GBP3: variants seen among roughly 807,000 people sequenced by gnomAD.
GBP3 encodes the protein guanylate-binding protein 3.
A neutral mutation model predicts 62.4 loss-of-function variants in GBP3; 55 were observed. That is an observed-to-expected ratio of 0.88 (90% CI 0.71 to 1.10). The LOEUF (loss-of-function observed/expected upper bound fraction) is 1.10. Among genes scored for constraint, GBP3 ranks in the 50% least tolerant of loss-of-function variants. The pLI, the probability that GBP3 is intolerant of heterozygous loss-of-function variation, is 0.00. For synonymous variants in GBP3, 208 were observed against 259.2 expected (o/e 0.80, Z 1.90); for missense variants, 605 against 690.6 (o/e 0.88, Z 1.39).
chr1:89,009,228 G>A, intron 9 of GBP3, 88 bp from the exon 10 acceptor site: 2 of 1,413,448 alleles, frequency 1.4e-6, no homozygotes, highest in Non-Finnish European at 2.0e-6. Context: ...GCTGCTGACT[G>A]CATATGCCCT....
chr1:89,018,300 C>G (rs912791071), intron 2 of GBP3, among the ~76,000 whole-genome samples: 3 of 152,078 alleles, frequency 2.0e-5, no homozygotes, highest in Non-Finnish European at 4.4e-5. Flanking sequence ...TTCACATCAC[C>G]AAGATTCCTA....
In GBP3 at chr1:89,009,468, C is replaced by T. The variant is rs772098041; in HGVS notation, c.1389G>A (p.Leu463=). The T allele has an allele frequency of 3.1e-6, 5 of 1,614,056 alleles. No individual in the cohort carries two copies. The highest frequency in any genetic ancestry group is 4.2e-6 in the Non-Finnish European group (5 of 1,180,028). Residue 463 remains leucine, a synonymous_variant, in exon 9 of 11, where the codon TTG becomes TTA. Coordinates refer to ENST00000370481, the MANE Select transcript of GBP3 (RefSeq NM_018284.3). ...IQAEEILQTY[L]KSKESVTDAI... is the part of the protein sequence containing the mutation. ...CATCGGTCACAGACTCCTTGGATTT[C>T]AAGTATGTCTGCAGAATCTCTTCAG...
rs1265090259 is a variant in GBP3, at chr1:89,014,272, T to C, written c.436A>G (p.Thr146Ala). 6.2e-7 allele frequency: 1 copy of C among 1,614,182 alleles called. No individual in the cohort carries two copies. Among genetic ancestry groups the C allele is most frequent in the Admixed American group, 1.7e-5 (1 of 60,030 alleles). Residue 146 changes from threonine to alanine, a missense_variant, in exon 5 of 11, where the codon ACA (threonine) becomes GCA (alanine). Thr to Ala is a moderately conservative substitution (Grantham distance 58). Coordinates refer to ENST00000370481, the MANE Select transcript of GBP3 (RefSeq NM_018284.3). ...GATCGGATTCGATGTGTCAGCTCTG[T>C]CACATAGCTGAGTAGCTAACTAAGG... The part of the protein sequence containing the change: ...QQAMDQLYYV[T>A]ELTHRIRSKS...
At chr1:89,015,218 A>G in intron 3 of GBP3, 69 bp downstream of exon 3, 6 of 1,448,106 alleles carry the variant, frequency 4.1e-6, no homozygotes, top group Non-Finnish European at 5.6e-6. Flanking sequence ...TCTTTAAGAA[A>G]AAACTAAATG....
At position 89,014,074 on chromosome 1, in the gene GBP3, C is replaced by T. The variant is rs763700614; in HGVS notation, c.625+9G>A. On this transcript the variant is annotated intron_variant, in intron 5 of 10. Coordinates refer to ENST00000370481, the MANE Select transcript of GBP3 (RefSeq NM_018284.3). Reference sequence around the variant, plus strand: ...TCGTCCTCATTTATCAATGGTACGTCTCTGTTACCTTGCGTTAGCTTCAGG... The same window carrying T: ...TCGTCCTCATTTATCAATGGTACGTTTCTGTTACCTTGCGTTAGCTTCAGG... 49 of 1,613,118 alleles carry T rather than the reference C, an allele frequency of 3.0e-5. No individual in the cohort carries two copies. The highest frequency in any genetic ancestry group is 4.1e-5 in the Non-Finnish European group (48 of 1,179,178).
rs1678238027 is a variant in GBP3 at position 89,006,707 on chromosome 1, G to C, written c.*1017C>G. On this transcript the variant is annotated 3_prime_UTR_variant, in exon 11 of 11. Transcript: ENST00000370481. ...TTATTTCTAGTTTAGTTTATTTCTA[G>C]TTCAAAAATAATCTGTAATTGCTGT... 1 of 151,728 alleles carries C rather than the reference G, an allele frequency of 6.6e-6. No individual in the cohort carries two copies. Among genetic ancestry groups the C allele is most frequent in the Admixed American group, 6.6e-5 (1 of 15,232 alleles). 9.4% of individuals were successfully genotyped at this position (151,728 alleles called of 1,614,324 possible). A position where few individuals can be genotyped will look rare whatever the true frequency, so the allele number is the denominator to read the frequency against.
rs1206479160 is a variant in GBP3, at chr1:89,019,541, G to T, written c.190+991C>A. On this transcript the variant is annotated intron_variant, in intron 2 of 10. Transcript: ENST00000370481. ...GACCTCAGGTGATCTGCCTGCATTG[G>T]CCTCCCAAAGTGCTGGGATTACAGC... 2.6e-5 allele frequency among the ~76,000 whole-genome samples: 4 copies of T among 152,218 alleles called. No individual in the cohort carries two copies. In the East Asian group the frequency reaches 7.7e-4, roughly 29 times the overall value.
chr1:89,008,433 T>G lies in GBP3; in HGVS notation c.1659+514A>C, dbSNP rs567677619. Among the ~76,000 whole-genome samples the G allele has an allele frequency of 8.7e-5, 13 of 149,170 alleles. No individual in the cohort carries two copies. The South Asian group carries it at 2.6e-3, about 30-fold the overall frequency. On this transcript the variant is annotated intron_variant, in intron 10 of 10. Coordinates refer to ENST00000370481, the MANE Select transcript of GBP3 (RefSeq NM_018284.3). ...CAGAAAACAGGCAGGAGTGGTAGAC[T>G]GCCCTACAGGTGTGAGGGTTAGGGA...
rs1678441799 is a variant in GBP3, at chr1:89,009,553, G to A, written c.1363-59C>T. 11 of 1,599,938 alleles carry A rather than the reference G, an allele frequency of 6.9e-6. No homozygotes were observed. The South Asian group carries it at 1.1e-4, about 16-fold the overall frequency. On this transcript the variant is annotated intron_variant, in intron 8 of 10. Coordinates refer to ENST00000370481, the MANE Select transcript of GBP3 (RefSeq NM_018284.3). The stretch of plus-strand genomic sequence containing the variant: ...GAAATGGCTGTAAGCAGGTTTTCCT[G>A]TTCTTCTGCCCACCATCTTTTCTTC...
At chr1:89,013,450 T>C (rs1418166849) in intron 5 of GBP3, 23 bp from the exon 6 acceptor site, 1 of 1,593,892 alleles carries the variant, frequency 6.3e-7, no homozygotes, top group Non-Finnish European at 8.5e-7. Flanking sequence ...AATAAAGAAA[T>C]TTGCCTAATA....
intron 1 of GBP3, among the ~76,000 whole-genome samples, chr1:89,022,318 G>GA (rs1489436125): frequency 6.6e-6 from 1 of 152,166 alleles, no homozygotes; most frequent in African/African-American, 2.4e-5. Context: ...ATAGGAGCAG[G>GA]ATTCAGCAAG....
At chr1:89,009,607 G>T in intron 8 of GBP3, 113 bp from the exon 9 acceptor site, 1 of 1,469,592 alleles carries the variant, frequency 6.8e-7, no homozygotes, top group African/African-American at 1.4e-5. Context: ...GCCCTGGTGT[G>T]CCTGGTGGTC....
At chr1:89,017,442 A>G (rs954835602) in intron 2 of GBP3, among the ~76,000 whole-genome samples, 11 of 152,232 alleles carry the variant, frequency 7.2e-5, no homozygotes, top group African/African-American at 2.7e-4. Flanking sequence ...GGGGAAAAAC[A>G]GACAGTAAAA....
rs148562368 is a variant in GBP3 at position 89,020,580 on chromosome 1, G to T, written c.142C>A (p.Arg48Ser). Residue 48 changes from arginine to serine, a missense_variant, in exon 2 of 11, where the codon CGC (arginine) becomes AGC (serine). By Grantham distance (110) the Arg-to-Ser change is moderately radical. This residue lies in a region of GBP3 where 308 missense variants were observed against 318.0 expected (regional missense o/e 0.97). Transcript: ENST00000370481. Reference protein sequence around the residue: ...VVVVAIVGLYRTGKSYLMNKL... With the variant: ...VVVVAIVGLYSTGKSYLMNKL... Reference sequence around the variant, plus strand: ...TTCATCAGGTAGGATTTTCCTGTGCGGTAGAGGCCCACAATTGCCACCACC... The same window carrying T: ...TTCATCAGGTAGGATTTTCCTGTGCTGTAGAGGCCCACAATTGCCACCACC... 2 of 1,614,090 alleles carry T rather than the reference G, an allele frequency of 1.2e-6. No homozygotes were observed. The highest frequency in any genetic ancestry group is 1.7e-6 in the Non-Finnish European group (2 of 1,180,010).
At chr1:89,015,483 A>G in intron 2 of GBP3, 69 bp from the exon 3 acceptor site, 1 of 1,432,346 alleles carries the variant, frequency 7.0e-7, no homozygotes. Flanking sequence ...ATTGAGGCAA[A>G]TGTAGCATCA....
rs1678672627 is a variant in GBP3, at chr1:89,013,206, C to T, written c.847G>A (p.Gly283Ser). 6.2e-7 allele frequency: 1 copy of T among 1,613,924 alleles called. No individual in the cohort carries two copies. The highest frequency in any genetic ancestry group is 1.3e-5 in the African/African-American group (1 of 74,898). ...SNSKTKTLSG[G>S]IKVNGPRLES... ...TTACGAGGCCCATTGACCTTGATGC[C>T]TCCTGAAAGAGTTTTAGTTTTGGAA... is the stretch of plus-strand genomic sequence containing the variant. The change falls in exon 6 of 11, where the codon GGC becomes AGC. Residue 283 changes from glycine to serine, a missense_variant. Physicochemically the swap from Gly to Ser is moderately conservative, Grantham distance 56. Around this residue, in one of 3 missense-constraint regions of GBP3, gnomAD observed 137 missense variants for 224.7 expected, o/e 0.61. Transcript: ENST00000370481.
intron 4 of GBP3, 122 bp downstream of exon 4, chr1:89,014,419 CTGTACT>C (rs756043430): frequency 2.5e-6 from 4 of 1,595,512 alleles, no homozygotes; most frequent in Non-Finnish European, 3.4e-6. Context: ...GATCTCTCCT[CTGTACT>C]TGCATTATTT....
intron 1 of GBP3, 150 bp from the exon 2 acceptor site, chr1:89,020,893 G>T: frequency 1.6e-6 from 1 of 631,376 alleles, no homozygotes; most frequent in Middle Eastern, 4.1e-4. Context: ...AATTATGGAA[G>T]TATTATCATC....
chr1:89,021,510 GCACACACACACACA>G (rs1553178198), intron 1 of GBP3, among the ~76,000 whole-genome samples: 3 of 131,668 alleles, frequency 2.3e-5, no homozygotes, highest in Admixed American at 7.6e-5. Flanking sequence ...GCGCGCGCGC[GCACACACACACACA>G]CACACACACA....
Sources: allele counts gnomAD v4.1 joint callset (sites outside exome capture counted in the v4.1 genomes callset), GRCh38; gene constraint gnomAD v4.1.1; regional missense constraint gnomAD v4.1.1; transcripts MANE v1.5; gene names NCBI Gene and HGNC (gene_info 2026-07-23, HGNC 2026-07-21).